Variants in PRDM11 observed in about 807,000 individuals in gnomAD.
The protein encoded by PRDM11 is PR domain-containing protein 11.
A neutral mutation model predicts 97.8 loss-of-function variants in PRDM11; 20 were observed. That is an observed-to-expected ratio of 0.20 (90% CI 0.14 to 0.30). PRDM11 has a LOEUF of 0.30. Among genes scored for constraint, PRDM11 ranks in the 10% least tolerant of loss-of-function variants. PRDM11 has a pLI of 1.00. For synonymous variants in PRDM11, 599 were observed against 637.7 expected (o/e 0.94, Z 0.91); for missense variants, 1,139 against 1,555.2 (o/e 0.73, Z 4.50).
chr11:45,163,488 T>TTG (rs11038337), intron 1 of PRDM11, among the ~76,000 whole-genome samples: 1 of 149,578 alleles, frequency 6.7e-6, no homozygotes, highest in Non-Finnish European at 1.5e-5. Flanking sequence ...TGCTTGAGGA[T>TTG]GGGGGGGGGT....
At chr11:45,212,200 C>T (rs1324666246) in intron 5 of PRDM11, among the ~76,000 whole-genome samples, 1 of 152,190 alleles carries the variant, frequency 6.6e-6, no homozygotes, top group African/African-American at 2.4e-5. Context: ...CGGTGGGCCA[C>T]GGTCTCCAAG....
intron 1 of PRDM11, among the ~76,000 whole-genome samples, chr11:45,113,825 TTTTG>T (rs529247644): frequency 9.5e-6 from 1 of 105,450 alleles, no homozygotes. Context: ...TGTGTGTGTG[TTTTG>T]TTTTTTTTTT....
At chr11:45,137,405 C>G (rs1852888065) in intron 1 of PRDM11, among the ~76,000 whole-genome samples, 1 of 51,758 alleles carries the variant, frequency 1.9e-5, no homozygotes. Context: ...TGCACTCCAG[C>G]CTGAGTGACA....
chr11:45,210,931 C>G (rs968476272), intron 5 of PRDM11, among the ~76,000 whole-genome samples: 2 of 152,160 alleles, frequency 1.3e-5, no homozygotes, highest in Non-Finnish European at 2.9e-5. Flanking sequence ...CATCCTGCTC[C>G]GCTCACCCCT....
At chr11:45,096,248 T>G (rs1252390094) in intron 1 of PRDM11, among the ~76,000 whole-genome samples, 2 of 152,230 alleles carry the variant, frequency 1.3e-5, no homozygotes, top group Non-Finnish European at 2.9e-5. Context: ...TGGCACATAG[T>G]AAATGCTCAA....
At chr11:45,189,167 C>G (rs1852819345) in intron 4 of PRDM11, among the ~76,000 whole-genome samples, 1 of 152,174 alleles carries the variant, frequency 6.6e-6, no homozygotes, top group Non-Finnish European at 1.5e-5. Context: ...TCCCAAAGTG[C>G]TGGGATTACA....
At chr11:45,099,531 A>C in intron 1 of PRDM11, among the ~76,000 whole-genome samples, 1 of 150,666 alleles carries the variant, frequency 6.6e-6, no homozygotes, top group African/African-American at 2.5e-5. Flanking sequence ...GGAGTGAGGA[A>C]GCACCTGCCT....
At chr11:45,141,400 G>C (rs1377276030) in intron 1 of PRDM11, among the ~76,000 whole-genome samples, 3 of 152,190 alleles carry the variant, frequency 2.0e-5, no homozygotes, top group Non-Finnish European at 4.4e-5. Context: ...AGTTTATAAA[G>C]GGCTGTGGCT....
At chr11:45,153,886 C>T (rs1443997302) in intron 1 of PRDM11, among the ~76,000 whole-genome samples, 3 of 152,184 alleles carry the variant, frequency 2.0e-5, no homozygotes, top group African/African-American at 7.2e-5. Context: ...CTCCCGCATC[C>T]ACATATGGAT....
At chr11:45,144,935 G>A (rs1851473822), upstream of PRDM11, among the ~76,000 whole-genome samples, 1 of 152,142 alleles carries the variant, frequency 6.6e-6, no homozygotes, top group Admixed American at 6.5e-5. Flanking sequence ...CTCTTGGGCA[G>A]ACCAAGACCT....
At chr11:45,137,037 C>T (rs1852871478) in intron 1 of PRDM11, among the ~76,000 whole-genome samples, 1 of 151,210 alleles carries the variant, frequency 6.6e-6, no homozygotes, top group Non-Finnish European at 1.5e-5. Flanking sequence ...GTGGCAGACA[C>T]CTGTAATTCC....
chr11:45,204,640 T>A, intron 4 of PRDM11, 71 bp from the exon 5 acceptor site: 2 of 1,422,124 alleles, frequency 1.4e-6, no homozygotes, highest in Non-Finnish European at 2.0e-6. Context: ...TGGGCCCTGG[T>A]TGGGAAGGAG....
intron 1 of PRDM11, among the ~76,000 whole-genome samples, chr11:45,137,558 C>A (rs1852895441): frequency 6.6e-6 from 1 of 152,154 alleles, no homozygotes; most frequent in Non-Finnish European, 1.5e-5. Flanking sequence ...CCAGACCAAC[C>A]TGGGCAACAT....
chr11:45,204,770 C>T lies in PRDM11; in HGVS notation c.546C>T (p.Asn182=). ...ATGGCTCAGACGAGACCAAAGCCAA[C>T]TGGATGAGGTGAGCCCTGCTCTGCT... ...SIDGSDETKA[N]WMRYVVISRE... is the part of the protein sequence containing the mutation. The change falls in exon 5 of 8, where the codon AAC becomes AAT. Residue 182 remains asparagine, a synonymous_variant. Coordinates refer to ENST00000683152, the MANE Select transcript of PRDM11 (RefSeq NM_001384648.1). 1 of 1,610,846 alleles carries T rather than the reference C, an allele frequency of 6.2e-7. No individual in the cohort carries two copies. The highest frequency in any genetic ancestry group is 8.5e-7 in the Non-Finnish European group (1 of 1,176,952).
At chr11:45,111,459 G>A (rs1016370867) in intron 1 of PRDM11, among the ~76,000 whole-genome samples, 1 of 152,178 alleles carries the variant, frequency 6.6e-6, no homozygotes, top group Non-Finnish European at 1.5e-5. Context: ...TCATCTGGAA[G>A]CAGCTGGCCC....
chr11:45,103,737 T>TATATATAATATAAACATATAATATATAAC (rs1852017753), intron 1 of PRDM11, among the ~76,000 whole-genome samples: 1 of 148,010 alleles, frequency 6.8e-6, no homozygotes, highest in Non-Finnish European at 1.5e-5. Flanking sequence ...CTATATATAG[T>TATATATAATATAAACATATAATATATAAC]ATATATAATA....
chr11:45,145,907 C>T (rs1485780780), upstream of PRDM11, among the ~76,000 whole-genome samples: 1 of 152,144 alleles, frequency 6.6e-6, no homozygotes, highest in East Asian at 1.9e-4. Context: ...TCTGTGATGT[C>T]GAATCCCATT....
chr11:45,118,349 A>G (rs2135622018), intron 1 of PRDM11, among the ~76,000 whole-genome samples: 1 of 151,680 alleles, frequency 6.6e-6, no homozygotes, highest in Non-Finnish European at 1.5e-5. Context: ...GTAGGATAAT[A>G]GTTAGGAGAA....
chr11:45,178,046 G>C (rs542863581), intron 1 of PRDM11, among the ~76,000 whole-genome samples: 10 of 152,226 alleles, frequency 6.6e-5, no homozygotes, highest in South Asian at 2.1e-4. Flanking sequence ...TTGCCCACAG[G>C]GGGTGGTTTG....
Sources: gnomAD v4.1 joint callset for allele counts (sites outside exome capture counted in the v4.1 genomes callset) on GRCh38, gnomAD v4.1.1 for gene constraint, MANE v1.5 for transcripts, NCBI Gene and HGNC (gene_info 2026-07-23, HGNC 2026-07-21) for gene names.